RP1L1: variants seen among roughly 807,000 people sequenced by gnomAD.
RP1L1 encodes retinitis pigmentosa 1-like 1 protein.
RP1L1 carries 27 observed loss-of-function variants against 15.7 expected under a neutral mutation model. The ratio of observed to expected loss-of-function variants is 1.72; its 90% CI spans 1.27 to 2.38. The LOEUF (loss-of-function observed/expected upper bound fraction) is 2.38. Ranked by LOEUF, RP1L1 falls within the 30% of genes most tolerant of loss-of-function variation. The pLI is 0.00. For missense variants in RP1L1, 4,798 were observed against 3,075.9 expected (o/e 1.56, Z -13.24); for synonymous variants, 1,813 against 1,276.7 (o/e 1.42, Z -8.96).
chr8:10,653,295 C>A (rs565965259), intron 1 of RP1L1, among the ~76,000 whole-genome samples: 7 of 152,148 alleles, frequency 4.6e-5, no homozygotes, highest in Admixed American at 1.3e-4. Context: ...CACAGGCCAT[C>A]GAGCTGGAAA....
At chr8:10,638,571 C>G (rs1024852218) in intron 1 of RP1L1, among the ~76,000 whole-genome samples, 2 of 151,798 alleles carry the variant, frequency 1.3e-5, no homozygotes, top group African/African-American at 4.8e-5. Flanking sequence ...CAGTGAGACC[C>G]CATCTCTAAA....
At chr8:10,647,578 G>T (rs1432746648) in intron 1 of RP1L1, among the ~76,000 whole-genome samples, 2 of 152,170 alleles carry the variant, frequency 1.3e-5, no homozygotes, top group Non-Finnish European at 2.9e-5. Context: ...TACAGAAGCA[G>T]AATCGTGCAG....
chr8:10,623,103 G>C lies in RP1L1; in HGVS notation c.99C>G (p.Ala33=). The change falls in exon 2 of 4, where the codon GCC becomes GCG. Residue 33 remains alanine (A), a synonymous_variant. Coordinates refer to ENST00000382483, the MANE Select transcript of RP1L1 (RefSeq NM_178857.6). The part of the protein sequence containing the change: ...RTPSVTKVTP[A]KKITFLKRGD... ...CTCGCTTGAGGAAGGTGATCTTCTT[G>C]GCTGGCGTGACCTTGGTGACCGAGG... is the stretch of plus-strand genomic sequence containing the variant. 1 of 1,613,738 alleles carries C rather than the reference G, an allele frequency of 6.2e-7. No individual in the cohort carries two copies. Among genetic ancestry groups the C allele is most frequent in the South Asian group, 1.1e-5 (1 of 91,056 alleles).
chr8:10,654,699 A>G (rs547820246), intron 1 of RP1L1, among the ~76,000 whole-genome samples, 199 bp downstream of exon 1: 86 of 152,370 alleles, frequency 5.6e-4, no homozygotes, highest in Non-Finnish European at 9.0e-4. Flanking sequence ...GTGTTTAAAC[A>G]TGATCTGCTC....
Position 10,610,660 on chromosome 8 carries a change from C to A in RP1L1, c.3438G>T (p.Arg1146=). Residue 1146 remains arginine (R), a synonymous_variant, in exon 4 of 4, where the codon CGG becomes CGT. Coordinates refer to ENST00000382483, the MANE Select transcript of RP1L1 (RefSeq NM_178857.6). ...TCGAGATGCTGAGCAGCTCCTGGTA[C>A]CGAGGGGAGTCTTTGAACCTCACTT... ...ASKVRFKDSP[R]YQELLSISKD... The A allele has an allele frequency of 2.5e-6, 4 of 1,612,266 alleles. No individual in the cohort carries two copies. Among genetic ancestry groups the A allele is most frequent in the Non-Finnish European group, 3.4e-6 (4 of 1,179,242 alleles).
In RP1L1 at chr8:10,612,936, T is replaced by G. The variant is rs772279526; in HGVS notation, c.1162A>C (p.Arg388=). ...CCAAAGACTTCCCTGCATCCCACCCTGCAGGGCCGGGGTCCCCACACCCCA... is the reference window on the plus strand; with the variant it reads ...CCAAAGACTTCCCTGCATCCCACCCGGCAGGGCCGGGGTCCCCACACCCCA... ...EPGVWGPRPC[R]VGCREVFGRG... The change falls in exon 4 of 4, where the codon AGG becomes CGG. Residue 388 remains arginine (R), a synonymous_variant. Coordinates refer to ENST00000382483, the MANE Select transcript of RP1L1 (RefSeq NM_178857.6). The G allele has an allele frequency of 2.5e-6, 4 of 1,612,376 alleles. No homozygotes were observed. Among genetic ancestry groups the G allele is most frequent in the Non-Finnish European group, 3.4e-6 (4 of 1,179,746 alleles).
chr8:10,648,274 C>T (rs1472614110), intron 1 of RP1L1, among the ~76,000 whole-genome samples: 7 of 152,172 alleles, frequency 4.6e-5, no homozygotes, highest in Admixed American at 4.6e-4. Flanking sequence ...TCAGGTCATC[C>T]ACCTGCCTCG....
chr8:10,639,521 C>A (rs1343458377), intron 1 of RP1L1, among the ~76,000 whole-genome samples: 1 of 152,122 alleles, frequency 6.6e-6, no homozygotes, highest in Non-Finnish European at 1.5e-5. Context: ...TACAGGCGTG[C>A]ACCACCATAC....
intron 1 of RP1L1, among the ~76,000 whole-genome samples, chr8:10,632,293 C>A (rs1188631011): frequency 2.6e-5 from 4 of 152,200 alleles, no homozygotes; most frequent in Admixed American, 1.3e-4. Context: ...TGAGTTGGCA[C>A]CATCTAGAAC....
At position 10,612,929 on chromosome 8, in the gene RP1L1, C is replaced by G. The variant is rs375552224; in HGVS notation, c.1169G>C (p.Gly390Ala). The G allele has an allele frequency of 1.2e-6, 2 of 1,613,108 alleles. No homozygotes were observed. Among genetic ancestry groups the G allele is most frequent in the East Asian group, 4.5e-5 (2 of 44,876 alleles). The change falls in exon 4 of 4, where the codon GGA becomes GCA. Residue 390 changes from glycine (G) to alanine (A), a missense_variant. Transcript: ENST00000382483. ...GCCTCGGCCAAAGACTTCCCTGCAT[C>G]CCACCCTGCAGGGCCGGGGTCCCCA... ...GVWGPRPCRV[G>A]CREVFGRGGQ...
At position 10,622,676 on chromosome 8, in the gene RP1L1, T is replaced by C. The variant is rs187343209; in HGVS notation, c.526A>G (p.Arg176Gly). ...TTGCCGAGAAAGGCGGCCAGGTTCC[T>C]AGTATTCCTGTGACTGAGAACCACT... ...QTVVLSHRNT[R>G]NLAAFLGKAS... is the part of the protein sequence containing the mutation. Residue 176 changes from arginine (R) to glycine (G), a missense_variant, in exon 2 of 4, where the codon AGG becomes GGG. Arg to Gly is a moderately radical substitution (Grantham distance 125). Transcript: ENST00000382483. The C allele has an allele frequency of 5.6e-5, 90 of 1,614,156 alleles. No individual in the cohort carries two copies. The African/African-American group carries it at 8.9e-4, about 16-fold the overall frequency.
Position 10,612,563 on chromosome 8 carries a change from A to G in RP1L1, c.1535T>C (p.Leu512Pro). The G allele has an allele frequency of 1.2e-6, 2 of 1,607,440 alleles. No homozygotes were observed. Among genetic ancestry groups the G allele is most frequent in the Non-Finnish European group, 1.7e-6 (2 of 1,179,534 alleles). The change falls in exon 4 of 4, where the codon CTG (leucine) becomes CCG (proline). Residue 512 changes from leucine (L) to proline (P), a missense_variant. Physicochemically the swap from Leu to Pro is moderately conservative, Grantham distance 98 (BLOSUM62 -3). Coordinates refer to ENST00000382483, the MANE Select transcript of RP1L1 (RefSeq NM_178857.6). ...GCGGCCGCCTTGCTCTGGGCCGCCC[A>G]GCCCTGCTCCATCTATGCATAGGCC... ...DPGLCIDGAG[L>P]GGPEQGGRLT... is the part of the protein sequence containing the mutation.
rs1417681145 is a variant in RP1L1, at chr8:10,610,537, ATGG to A, written c.3558_3560del (p.His1187del). On this transcript the variant is annotated inframe_deletion, in exon 4 of 4. Transcript: ENST00000382483. ...TGGGCGTGAAGTTCTCCGTCATGGC[ATGG>A]GACCCAAGGTCTGGCAGAGCCTGGC... 4 of 1,613,608 alleles carry A rather than the reference ATGG, an allele frequency of 2.5e-6. No individual in the cohort carries two copies. The highest frequency in any genetic ancestry group is 3.4e-6 in the Non-Finnish European group (4 of 1,180,024).
chr8:10,644,515 T>C (rs1255320951), intron 1 of RP1L1, among the ~76,000 whole-genome samples: 1 of 152,228 alleles, frequency 6.6e-6, no homozygotes, highest in African/African-American at 2.4e-5. Context: ...TGGCTGAGAA[T>C]TGATGCCATC....
chr8:10,622,374 G>A (rs971968130), intron 2 of RP1L1, among the ~76,000 whole-genome samples: 55 of 149,952 alleles, frequency 3.7e-4, no homozygotes, highest in Non-Finnish European at 6.8e-4. Context: ...CACAATGCCT[G>A]CCACTTACCG....
intron 2 of RP1L1, among the ~76,000 whole-genome samples, chr8:10,619,315 G>A (rs1330243434): frequency 6.6e-6 from 1 of 152,228 alleles, no homozygotes; most frequent in East Asian, 1.9e-4. Flanking sequence ...TCTTCCTTTT[G>A]TTCCTGACTC....
intron 2 of RP1L1, among the ~76,000 whole-genome samples, chr8:10,620,293 A>G (rs1331385179): frequency 6.6e-6 from 1 of 152,252 alleles, no homozygotes; most frequent in East Asian, 1.9e-4. Context: ...GACCCAAGGG[A>G]GAATGTTCCC....
In RP1L1 at chr8:10,608,889, C is replaced by T. The variant is rs1389799410; in HGVS notation, c.5209G>A (p.Gly1737Arg). The T allele has an allele frequency of 6.2e-7, 1 of 1,614,030 alleles. No homozygotes were observed. Among genetic ancestry groups the T allele is most frequent in the South Asian group, 1.1e-5 (1 of 91,088 alleles). Reference protein sequence around the residue: ...EGGLGPGLSQGPGVDEGEDGE... With the variant: ...EGGLGPGLSQRPGVDEGEDGE... ...TCCTCACCCTCGTCCACTCCAGGCC[C>T]CTGGCTCAGCCCCGGCCCCAGCCCT... Residue 1737 changes from glycine (G) to arginine (R), a missense_variant, in exon 4 of 4, where the codon GGG (glycine) becomes AGG (arginine). Physicochemically the swap from Gly to Arg is moderately radical, Grantham distance 125. Coordinates refer to ENST00000382483, the MANE Select transcript of RP1L1 (RefSeq NM_178857.6).
At chr8:10,624,761 G>C (rs559490552) in intron 1 of RP1L1, among the ~76,000 whole-genome samples, 1 of 152,178 alleles carries the variant, frequency 6.6e-6, no homozygotes, top group Non-Finnish European at 1.5e-5. Flanking sequence ...TCCCTGCGTC[G>C]GGGTGTTCAA....
Sources: gnomAD v4.1 joint callset for allele counts (sites outside exome capture counted in the v4.1 genomes callset) on GRCh38, gnomAD v4.1.1 for gene constraint, MANE v1.5 for transcripts, NCBI Gene and HGNC (gene_info 2026-07-23, HGNC 2026-07-21) for gene names.